The following PCSK5 variants were observed in gnomAD, a reference collection of about 807,000 sequenced individuals.
PCSK5 encodes proprotein convertase subtilisin/kexin type 5.
Under a neutral mutation model 233.2 loss-of-function variants are expected in PCSK5, and 129 were observed. The ratio of observed to expected loss-of-function variants is 0.55; its 90% confidence interval spans 0.48 to 0.64. The LOEUF (loss-of-function observed/expected upper bound fraction) is 0.64. Among genes scored for constraint, PCSK5 ranks in the 30% least tolerant of loss-of-function variants. The probability of loss-of-function intolerance (pLI) is 0.00; values close to 1 mark genes in which losing one functional copy is unlikely to be tolerated. For synonymous variants in PCSK5, 825 were observed against 879.2 expected (o/e 0.94, Z 1.09); for missense variants, 2,076 against 2,430.1 (o/e 0.85, Z 3.06).
rs535480862 is a variant in PCSK5, at chr9:76,205,773, T to C, written c.2626+16027T>C. Reference sequence around the variant, plus strand: ...GTTTAGCCATGTCTTACTGAATGATTCAAATCAAACTCACTCTCCAGGTAA... The same window carrying C: ...GTTTAGCCATGTCTTACTGAATGATCCAAATCAAACTCACTCTCCAGGTAA... On this transcript the variant is annotated intron_variant, in intron 20 of 37. Coordinates refer to ENST00000674117, the MANE Select transcript of PCSK5 (RefSeq NM_001372043.1). Among the ~76,000 whole-genome samples, 12 of 152,294 alleles carry C rather than the reference T, an allele frequency of 7.9e-5. No individual in the cohort carries two copies. The South Asian group carries it at 2.5e-3, about 32-fold the overall frequency.
At chr9:75,921,655 G>C (rs1488301823) in intron 1 of PCSK5, among the ~76,000 whole-genome samples, 1 of 151,990 alleles carries the variant, frequency 6.6e-6, no homozygotes. Context: ...AATAATCTCT[G>C]TAAGTCTCTC....
intron 24 of PCSK5, among the ~76,000 whole-genome samples, chr9:76,278,206 C>T (rs865887284): frequency 3.4e-4 from 52 of 152,148 alleles, no homozygotes; most frequent in Admixed American, 2.6e-3. Context: ...AACCCCATCT[C>T]GTATTCATTG....
At chr9:75,947,740 A>G (rs193267013) in intron 2 of PCSK5, among the ~76,000 whole-genome samples, 24 of 152,320 alleles carry the variant, frequency 1.6e-4, no homozygotes, top group African/African-American at 5.3e-4. Context: ...AAACTTTGGG[A>G]AAAATGAAGT....
At chr9:76,295,171 A>G (rs1227574402) in intron 25 of PCSK5, 104 bp from the exon 26 acceptor site, 2 of 1,076,372 alleles carry the variant, frequency 1.9e-6, no homozygotes. Context: ...ACAAAACAAA[A>G]CGAAACAAAA....
At chr9:76,034,905 A>T (rs918148394) in intron 5 of PCSK5, among the ~76,000 whole-genome samples, 2 of 152,138 alleles carry the variant, frequency 1.3e-5, no homozygotes, top group Non-Finnish European at 2.9e-5. Flanking sequence ...ATGTGTCCGA[A>T]TTGAAGTTGC....
At chr9:76,319,281 A>G (rs1829120816) in intron 30 of PCSK5, among the ~76,000 whole-genome samples, 1 of 152,098 alleles carries the variant, frequency 6.6e-6, no homozygotes, top group South Asian at 2.1e-4. Context: ...TGGGCGGAGG[A>G]TTACCTAGGT....
chr9:76,146,495 TATAA>T (rs966920141), intron 10 of PCSK5, among the ~76,000 whole-genome samples: 11 of 149,560 alleles, frequency 7.4e-5, no homozygotes, highest in African/African-American at 2.0e-4. Context: ...AAGTCCAACA[TATAA>T]ATAAATAAAT....
chr9:76,105,530 G>GT (rs1216809350), intron 8 of PCSK5, among the ~76,000 whole-genome samples: 2 of 152,184 alleles, frequency 1.3e-5, no homozygotes, highest in Non-Finnish European at 2.9e-5. Context: ...TATGTTATAT[G>GT]TTTTTTAACA....
At chr9:75,906,611 G>T (rs889594528) in intron 1 of PCSK5, among the ~76,000 whole-genome samples, 2 of 152,146 alleles carry the variant, frequency 1.3e-5, no homozygotes, top group Non-Finnish European at 2.9e-5. Context: ...AAATGCAAAG[G>T]CCTCTGAGGA....
At chr9:76,356,952 C>A (rs1321731295) in intron 37 of PCSK5, among the ~76,000 whole-genome samples, 1 of 152,202 alleles carries the variant, frequency 6.6e-6, no homozygotes, top group African/African-American at 2.4e-5. Flanking sequence ...CCGTGTAACT[C>A]AGCTTGTACA....
intron 3 of PCSK5, among the ~76,000 whole-genome samples, chr9:76,011,134 C>T (rs1303170016): frequency 6.6e-6 from 1 of 152,194 alleles, no homozygotes; most frequent in Non-Finnish European, 1.5e-5. Context: ...AAAACATTTG[C>T]AGTTACGCTT....
chr9:76,233,365 A>G (rs1587787169), intron 21 of PCSK5, 95 bp from the exon 22 acceptor site: 4 of 1,269,546 alleles, frequency 3.2e-6, no homozygotes, highest in Non-Finnish European at 4.5e-6. Flanking sequence ...ATGAAGTCAA[A>G]TCTGTCCAGC....
intron 20 of PCSK5, among the ~76,000 whole-genome samples, chr9:76,197,631 C>T (rs1824753691): frequency 6.6e-6 from 1 of 152,148 alleles, no homozygotes; most frequent in African/African-American, 2.4e-5. Flanking sequence ...AGAGCAATGG[C>T]AGACGGCAAT....
In PCSK5 at chr9:75,943,671, C is replaced by G. The variant is rs566743111; in HGVS notation, c.297+11188C>G. The stretch of plus-strand genomic sequence containing the variant: ...TGTCATTCCTGTAGGGTGAGCTCTA[C>G]CCATCAATCTTCCCTCACTTGAAGA... On this transcript the variant is annotated intron_variant, in intron 2 of 37. Transcript: ENST00000674117. 1.0e-3 allele frequency among the ~76,000 whole-genome samples: 152 copies of G among 152,286 alleles called. No homozygotes were observed. The South Asian group carries it at 0.016, about 16-fold the overall frequency.
At chr9:76,149,984 T>C (rs975973596) in intron 10 of PCSK5, among the ~76,000 whole-genome samples, 2 of 152,150 alleles carry the variant, frequency 1.3e-5, no homozygotes, top group Non-Finnish European at 2.9e-5. Flanking sequence ...ATGAAACAAA[T>C]AGTAATAAAT....
At chr9:76,059,639 G>A (rs1829954527) in intron 5 of PCSK5, among the ~76,000 whole-genome samples, 1 of 151,974 alleles carries the variant, frequency 6.6e-6, no homozygotes, top group East Asian at 1.9e-4. Flanking sequence ...TCTTGTTTTT[G>A]TCAGGTTTGT....
chr9:76,095,076 T>C (rs993045971), intron 7 of PCSK5, among the ~76,000 whole-genome samples: 1 of 152,244 alleles, frequency 6.6e-6, no homozygotes, highest in Non-Finnish European at 1.5e-5. Context: ...CATTCATTTA[T>C]TAAAGGTTCT....
chr9:76,330,960 T>C (rs1829515998), intron 33 of PCSK5, among the ~76,000 whole-genome samples: 1 of 152,084 alleles, frequency 6.6e-6, no homozygotes, highest in Admixed American at 6.6e-5. Context: ...TCAGATGCCT[T>C]CATATAGAGA....
chr9:76,181,291 A>G, intron 15 of PCSK5, 107 bp from the exon 16 acceptor site: 6 of 889,162 alleles, frequency 6.7e-6, no homozygotes, highest in Non-Finnish European at 1.0e-5. Context: ...CCTGGTTTAA[A>G]AGTGATTTGG....
Sources: allele counts gnomAD v4.1 joint callset (sites outside exome capture counted in the v4.1 genomes callset), GRCh38; gene constraint gnomAD v4.1.1; transcripts MANE v1.5; gene names NCBI Gene and HGNC (gene_info 2026-07-23, HGNC 2026-07-21).